The following NTNG2 variants were observed in gnomAD, a reference collection of about 807,000 sequenced individuals.
NTNG2 encodes netrin-G2.
A neutral mutation model predicts 47.6 loss-of-function variants in NTNG2; 15 were observed. That is an observed-to-expected ratio of 0.32 (90% CI 0.21 to 0.49). NTNG2 has a LOEUF of 0.49. Among genes scored for constraint, NTNG2 ranks in the 20% least tolerant of loss-of-function variants. The probability of loss-of-function intolerance (pLI) is 0.99; values close to 1 mark genes in which losing one functional copy is unlikely to be tolerated. For missense variants in NTNG2, 578 were observed against 764.6 expected (o/e 0.76, Z 2.88); for synonymous variants, 307 against 324.6 (o/e 0.95, Z 0.58).
At chr9:132,191,797 C>G (rs925356092) in intron 2 of NTNG2, among the ~76,000 whole-genome samples, 3 of 152,212 alleles carry the variant, frequency 2.0e-5, no homozygotes, top group Non-Finnish European at 4.4e-5. Context: ...TGGTCTCGAT[C>G]TCCTTACCTC....
chr9:132,209,058 A>G lies in NTNG2; in HGVS notation c.857+10449A>G, dbSNP rs535803841. On this transcript the variant is annotated intron_variant, in intron 3 of 7. Coordinates refer to ENST00000393229, the MANE Select transcript of NTNG2 (RefSeq NM_032536.4). ...TAGGACTGTGCCGTGTGCACTGCAC[A>G]CCGTGGTCTGTTTACCCATTCTCCG... is the stretch of plus-strand genomic sequence containing the variant. 1.1e-4 allele frequency among the ~76,000 whole-genome samples: 16 copies of G among 152,310 alleles called. No individual in the cohort carries two copies. The South Asian group carries it at 3.3e-3, about 32-fold the overall frequency.
rs930473200 is a variant in NTNG2, at chr9:132,208,722, T to C, written c.857+10113T>C. ...GAGGGGATTTTCTGGAGGGGAATTT[T>C]TTTTTTATTTCTTAATTTTTTATTT... On this transcript the variant is annotated intron_variant, in intron 3 of 7. Coordinates refer to ENST00000393229, the MANE Select transcript of NTNG2 (RefSeq NM_032536.4). The surrounding 1 kb of genome is among the most constrained non-coding windows in gnomAD (Gnocchi z 4.0). Among the ~76,000 whole-genome samples, 3 of 152,162 alleles carry C rather than the reference T, an allele frequency of 2.0e-5. No homozygotes were observed. Among genetic ancestry groups the C allele is most frequent in the African/African-American group, 4.8e-5 (2 of 41,422 alleles).
intron 2 of NTNG2, among the ~76,000 whole-genome samples, chr9:132,179,675 C>T (rs1291916187): frequency 6.6e-6 from 1 of 152,212 alleles, no homozygotes; most frequent in Non-Finnish European, 1.5e-5. Context: ...CAAAGCACCC[C>T]ATGTGTGCAG....
chr9:132,230,684 C>T, intron 5 of NTNG2, 89 bp downstream of exon 5: 1 of 1,365,610 alleles, frequency 7.3e-7, no homozygotes, highest in African/African-American at 1.4e-5. Context: ...AAAAAAGGGG[C>T]TTCAGTGTCC....
Position 132,195,566 on chromosome 9 carries a change from A to T in NTNG2, c.214-2400A>T, listed in dbSNP as rs867136524. Among the ~76,000 whole-genome samples the T allele has an allele frequency of 4.4e-5, 6 of 136,042 alleles. 1 individual carries two copies. In the South Asian group the frequency reaches 1.4e-3, roughly 31 times the overall value. 89.2% of individuals were successfully genotyped at this position (136,042 alleles called of 152,430 possible). On this transcript the variant is annotated intron_variant, in intron 2 of 7. Coordinates refer to ENST00000393229, the MANE Select transcript of NTNG2 (RefSeq NM_032536.4). ...ATGGTGTTGATCTCCTGACCTCGTGATCCACCCGCCTCGGCCTCCCAAAGT... is the reference window on the plus strand; with the variant it reads ...ATGGTGTTGATCTCCTGACCTCGTGTTCCACCCGCCTCGGCCTCCCAAAGT...
chr9:132,241,107 A>T, intron 7 of NTNG2, 63 bp downstream of exon 7: 1 of 1,367,710 alleles, frequency 7.3e-7, no homozygotes, highest in Non-Finnish European at 9.5e-7. Flanking sequence ...GGACCGAGGC[A>T]GTGGGCGGGG....
At position 132,198,286 on chromosome 9, in the gene NTNG2, C is replaced by T; in HGVS notation, c.534C>T (p.Ser178=). The change falls in exon 3 of 8, where the codon TCC becomes TCT. Residue 178 remains serine, a synonymous_variant. Coordinates refer to ENST00000393229, the MANE Select transcript of NTNG2 (RefSeq NM_032536.4). ...ACTGCATGGAGGCCTTCGGTATGTC[C>T]GCCCGCCGGGCCCGCGACATGTCAT... The part of the protein sequence containing the change: ...AEDCMEAFGM[S]ARRARDMSSS... 1.2e-6 allele frequency: 2 copies of T among 1,609,368 alleles called. No homozygotes were observed. Among genetic ancestry groups the T allele is most frequent in the Non-Finnish European group, 1.7e-6 (2 of 1,178,960 alleles).
rs1837041681 is a variant in NTNG2, at chr9:132,182,749, G to A, written c.214-15217G>A. Among the ~76,000 whole-genome samples, 1 of 152,140 alleles carries A rather than the reference G, an allele frequency of 6.6e-6. No individual in the cohort carries two copies. The highest frequency in any genetic ancestry group is 2.4e-5 in the African/African-American group (1 of 41,418). ...TCCCAACACTTGGGGCAGTCTTCTC[G>A]AAGGCCTCAAGCCCAGCGGGCAGCT... On this transcript the variant is annotated intron_variant, in intron 2 of 7. Transcript: ENST00000393229. This position sits in a 1 kb window ranked among gnomAD's most constrained non-coding sequence, Gnocchi z 4.2.
rs185444479 is a variant in NTNG2 at position 132,192,158 on chromosome 9, C to G, written c.214-5808C>G. ...GAGGAGGCTGGCAAACCTTCACCCC[C>G]ACTCAGAGGAGACACTCCCAGTCTC... On this transcript the variant is annotated intron_variant, in intron 2 of 7. Coordinates refer to ENST00000393229, the MANE Select transcript of NTNG2 (RefSeq NM_032536.4). Among the ~76,000 whole-genome samples the G allele has an allele frequency of 4.5e-3, 686 of 152,314 alleles. 9 individuals are homozygous for G. Among genetic ancestry groups the G allele is most frequent in the African/African-American group, 0.016 (661 of 41,550 alleles).
chr9:132,238,329 G>C (rs75619469), intron 5 of NTNG2, among the ~76,000 whole-genome samples: 2,643 of 152,266 alleles, frequency 0.017, 86 homozygotes, highest in African/African-American at 0.06. Flanking sequence ...GGTTAGGCAG[G>C]GGTCAGCCTG....
chr9:132,165,638 T>G (rs1267622734), intron 1 of NTNG2, among the ~76,000 whole-genome samples: 1 of 152,256 alleles, frequency 6.6e-6, no homozygotes, highest in Non-Finnish European at 1.5e-5. Context: ...TCTGCACCTA[T>G]AGTTACATGC....
At position 132,239,218 on chromosome 9, in the gene NTNG2, T is replaced by A; in HGVS notation, c.1169T>A (p.Leu390Gln). 7 of 1,613,814 alleles carry A rather than the reference T, an allele frequency of 4.3e-6. No homozygotes were observed. The highest frequency in any genetic ancestry group is 5.9e-6 in the Non-Finnish European group (7 of 1,180,036). The change falls in exon 6 of 8, where the codon CTG (leucine) becomes CAG (glutamine). Residue 390 changes from leucine to glutamine, a missense_variant. Physicochemically the swap from Leu to Gln is moderately radical, Grantham distance 113 (BLOSUM62 -2). Coordinates refer to ENST00000393229, the MANE Select transcript of NTNG2 (RefSeq NM_032536.4). ...GGTCAGCACTGCCAGCACTGCCGGC[T>A]GGGCTACTACCGCAACGGCTCGGCA... Reference protein sequence around the residue: ...TRGQHCQHCRLGYYRNGSAEL... With the variant: ...TRGQHCQHCRQGYYRNGSAEL...
rs969079836 is a variant in NTNG2 at position 132,221,423 on chromosome 9, A to C, written c.858-5426A>C. Reference sequence around the variant, plus strand: ...AAACACCATGTCCACACACACCGACACAGAGGCAGTACCACCCACAGTGAC... The same window carrying C: ...AAACACCATGTCCACACACACCGACCCAGAGGCAGTACCACCCACAGTGAC... On this transcript the variant is annotated intron_variant, in intron 3 of 7. Transcript: ENST00000393229. This position sits in a 1 kb window ranked among gnomAD's most constrained non-coding sequence, Gnocchi z 4.2. Among the ~76,000 whole-genome samples, 2 of 152,230 alleles carry C rather than the reference A, an allele frequency of 1.3e-5. No homozygotes were observed. The highest frequency in any genetic ancestry group is 2.4e-5 in the African/African-American group (1 of 41,456).
chr9:132,172,288 G>C (rs1336610484), intron 2 of NTNG2, among the ~76,000 whole-genome samples: 1 of 152,188 alleles, frequency 6.6e-6, no homozygotes, highest in African/African-American at 2.4e-5. Context: ...AGTGGGGTGA[G>C]GAGGCCCTCA....
At chr9:132,227,919 G>A (rs138750190) in intron 4 of NTNG2, among the ~76,000 whole-genome samples, 22 of 152,312 alleles carry the variant, frequency 1.4e-4, no homozygotes, top group Non-Finnish European at 2.5e-4. Flanking sequence ...CTTTACGGCC[G>A]TTCTCAAGTG....
In NTNG2 at chr9:132,162,255, A is replaced by AGAGCCCGGGAGGCGGGCGGGGG. The variant is rs1835088925; in HGVS notation, c.-484+20_-484+41dup. 1 of 151,908 alleles carries AGAGCCCGGGAGGCGGGCGGGGG rather than the reference A, an allele frequency of 6.6e-6. No homozygotes were observed. Among genetic ancestry groups the AGAGCCCGGGAGGCGGGCGGGGG allele is most frequent in the Non-Finnish European group, 1.5e-5 (1 of 67,920 alleles). The allele number at this position is 151,908 out of a possible 1,614,324, so 9.4% of individuals were successfully genotyped here. A position where few individuals can be genotyped will look rare whatever the true frequency, so the allele number is the denominator to read the frequency against. ...CCGAGCCGGGGTAAGGCGGGCGGGG[A>AGAGCCCGGGAGGCGGGCGGGGG]GAGCCCGGGAGGCGGGCGGGGGGAG... On this transcript the variant is annotated intron_variant, in intron 1 of 7. Transcript: ENST00000393229. This position sits in a 1 kb window ranked among gnomAD's most constrained non-coding sequence, Gnocchi z 4.6.
intron 4 of NTNG2, among the ~76,000 whole-genome samples, chr9:132,230,102 C>T (rs901589155): frequency 2.6e-5 from 4 of 152,364 alleles, no homozygotes; most frequent in East Asian, 3.9e-4. Context: ...GCACGTGGGA[C>T]GCACTCCACC....
chr9:132,166,724 C>A lies in NTNG2; in HGVS notation c.-108C>A. On this transcript the variant is annotated 5_prime_UTR_variant, in exon 2 of 8. Coordinates refer to ENST00000393229, the MANE Select transcript of NTNG2 (RefSeq NM_032536.4). ...GGGTCCCTGGGACACCCCGGCCACC[C>A]TCGCCTGGTAGATGTGGCATTTCCA... is the stretch of plus-strand genomic sequence containing the variant. The A allele has an allele frequency of 9.5e-7, 1 of 1,056,296 alleles. No individual in the cohort carries two copies. The highest frequency in any genetic ancestry group is 1.4e-6 in the Non-Finnish European group (1 of 693,558). The allele number at this position is 1,056,296 out of a possible 1,614,324, so 65.4% of individuals were successfully genotyped here.
chr9:132,222,486 GGGTTAGT>G (rs1253530708), intron 3 of NTNG2, among the ~76,000 whole-genome samples: 1 of 152,192 alleles, frequency 6.6e-6, no homozygotes, highest in Non-Finnish European at 1.5e-5. Flanking sequence ...AACCTCGGCA[GGGTTAGT>G]GTCCAGGCTC....
Sources: gnomAD v4.1 joint callset for allele counts (sites outside exome capture counted in the v4.1 genomes callset) on GRCh38, gnomAD v4.1.1 for gene constraint, Gnocchi (gnomAD v3.1) non-coding constraint, MANE v1.5 for transcripts, NCBI Gene and HGNC (gene_info 2026-07-23, HGNC 2026-07-21) for gene names.